Variants in CALN1 observed in about 807,000 individuals in gnomAD.
The protein encoded by CALN1 is calcium-binding protein 8.
CALN1 carries 17 observed loss-of-function variants against 30.6 expected under a neutral mutation model. The ratio of observed to expected loss-of-function variants is 0.56; its 90% CI spans 0.38 to 0.83. CALN1 has a LOEUF of 0.83. CALN1 is among the 40% of genes least tolerant of loss of function. CALN1 has a pLI of 0.00. For synonymous variants in CALN1, 156 were observed against 131.4 expected (o/e 1.19, Z -1.28); for missense variants, 291 against 354.9 (o/e 0.82, Z 1.45).
intron 5 of CALN1, among the ~76,000 whole-genome samples, chr7:71,953,104 G>A (rs765683454): frequency 6.6e-5 from 10 of 152,012 alleles, no homozygotes; most frequent in East Asian, 1.9e-4. Flanking sequence ...CTACAGGCAC[G>A]CACCACTACA....
intron 1 of CALN1, among the ~76,000 whole-genome samples, chr7:72,410,091 A>G (rs988661170): frequency 1.3e-5 from 2 of 152,078 alleles, no homozygotes; most frequent in African/African-American, 4.8e-5. Flanking sequence ...GTCATGCCAT[A>G]TGGTGTGTAA....
intron 3 of CALN1, among the ~76,000 whole-genome samples, chr7:72,185,512 C>T (rs558752274): frequency 2.0e-5 from 3 of 152,208 alleles, no homozygotes; most frequent in Non-Finnish European, 4.4e-5. Flanking sequence ...AATGGCCCTC[C>T]AAAGATGTCC....
chr7:71,953,296 G>A (rs1584597094), intron 5 of CALN1, among the ~76,000 whole-genome samples: 1 of 152,160 alleles, frequency 6.6e-6, no homozygotes, highest in Non-Finnish European at 1.5e-5. Context: ...TGGTGCCCAC[G>A]GCTTCTCTCC....
chr7:72,135,748 A>G (rs1178139624), intron 3 of CALN1, among the ~76,000 whole-genome samples: 1 of 152,170 alleles, frequency 6.6e-6, no homozygotes, highest in Admixed American at 6.5e-5. Flanking sequence ...GGCCCCTCAC[A>G]AGAGTCAACC....
At chr7:72,312,592 T>C (rs1484946177) in intron 2 of CALN1, among the ~76,000 whole-genome samples, 4 of 152,046 alleles carry the variant, frequency 2.6e-5, no homozygotes, top group Admixed American at 6.6e-5. Context: ...ATTTTTTCTT[T>C]TGCAAATTCA....
At chr7:72,402,959 C>T (rs1435362887) in intron 2 of CALN1, among the ~76,000 whole-genome samples, 2 of 152,134 alleles carry the variant, frequency 1.3e-5, no homozygotes, top group Non-Finnish European at 2.9e-5. Flanking sequence ...GTACATAGTC[C>T]ACACTCTGTA....
At chr7:72,099,685 G>A (rs745941696) in intron 4 of CALN1, among the ~76,000 whole-genome samples, 1 of 152,032 alleles carries the variant, frequency 6.6e-6, no homozygotes, top group Non-Finnish European at 1.5e-5. Context: ...AGCAATACCC[G>A]TAGCCTACAC....
At chr7:72,283,342 G>A (rs1376695960) in intron 2 of CALN1, among the ~76,000 whole-genome samples, 1 of 152,048 alleles carries the variant, frequency 6.6e-6, no homozygotes, top group Non-Finnish European at 1.5e-5. Context: ...CTGGGCAACA[G>A]AGCAAGACCC....
chr7:72,125,442 T>C (rs1162788762), intron 3 of CALN1, among the ~76,000 whole-genome samples: 5 of 152,246 alleles, frequency 3.3e-5, no homozygotes, highest in Non-Finnish European at 7.3e-5. Context: ...GCCTGCGTGC[T>C]TGCCATCCAC....
At chr7:72,207,224 G>A (rs1284635054) in intron 3 of CALN1, among the ~76,000 whole-genome samples, 1 of 151,982 alleles carries the variant, frequency 6.6e-6, no homozygotes, top group Non-Finnish European at 1.5e-5. Flanking sequence ...CAACCACTCC[G>A]GCCCTCTGTC....
chr7:72,166,502 T>C (rs1788532581), intron 3 of CALN1, among the ~76,000 whole-genome samples: 1 of 152,218 alleles, frequency 6.6e-6, no homozygotes, highest in Non-Finnish European at 1.5e-5. Context: ...AAATTTCTTA[T>C]TAAGTGAGCA....
At chr7:72,199,280 A>T (rs1330459965) in intron 3 of CALN1, among the ~76,000 whole-genome samples, 1 of 152,168 alleles carries the variant, frequency 6.6e-6, no homozygotes, top group Non-Finnish European at 1.5e-5. Flanking sequence ...GTCTCAAACA[A>T]CACATCAATC....
chr7:72,385,531 C>T (rs1239679528), intron 2 of CALN1, among the ~76,000 whole-genome samples: 1 of 151,952 alleles, frequency 6.6e-6, no homozygotes, highest in African/African-American at 2.4e-5. Flanking sequence ...ATCTCGAATT[C>T]TCATCCCCAG....
At chr7:72,374,422 A>C (rs923098542) in intron 2 of CALN1, among the ~76,000 whole-genome samples, 9 of 151,506 alleles carry the variant, frequency 5.9e-5, no homozygotes, top group Admixed American at 5.9e-4. Flanking sequence ...TCAGCTATTC[A>C]GGAGGCTGAG....
Position 71,787,760 on chromosome 7 carries a change from G to A in CALN1, c.*15C>T, listed in dbSNP as rs376575825. 8 of 1,612,908 alleles carry A rather than the reference G, an allele frequency of 5.0e-6. No homozygotes were observed. Among genetic ancestry groups the A allele is most frequent in the Non-Finnish European group, 6.8e-6 (8 of 1,179,808 alleles). On this transcript the variant is annotated 3_prime_UTR_variant, in exon 7 of 7. Coordinates refer to ENST00000395275, the MANE Select transcript of CALN1 (RefSeq NM_031468.4). ...GCGCGGTGAGCTGCAACACAGTGTG[G>A]CTGGCGGGAGGCTGCTACTCCATGC...
At chr7:72,295,687 T>A (rs1383650903) in intron 2 of CALN1, among the ~76,000 whole-genome samples, 12 of 148,530 alleles carry the variant, frequency 8.1e-5, no homozygotes, top group African/African-American at 1.8e-4. Flanking sequence ...TGTATAAGAA[T>A]GCTTGTGATT....
intron 5 of CALN1, among the ~76,000 whole-genome samples, chr7:71,905,670 C>A (rs969058236): frequency 6.6e-6 from 1 of 151,874 alleles, no homozygotes; most frequent in Non-Finnish European, 1.5e-5. Flanking sequence ...GATTCTAGGG[C>A]CTGACATGTC....
chr7:71,792,785 C>T (rs1262256250), intron 6 of CALN1, among the ~76,000 whole-genome samples: 2 of 152,062 alleles, frequency 1.3e-5, no homozygotes, highest in African/African-American at 4.8e-5. Flanking sequence ...TGAGGGCCTG[C>T]GAAAGCATTA....
chr7:72,406,146 A>G (rs181589386), intron 1 of CALN1, among the ~76,000 whole-genome samples: 1 of 152,222 alleles, frequency 6.6e-6, no homozygotes, highest in Non-Finnish European at 1.5e-5. Flanking sequence ...TGGCTCCCAT[A>G]GCCAGAAGCC....
Sources: allele counts gnomAD v4.1 joint callset (sites outside exome capture counted in the v4.1 genomes callset), GRCh38; gene constraint gnomAD v4.1.1; transcripts MANE v1.5; gene names NCBI Gene and HGNC (gene_info 2026-07-23, HGNC 2026-07-21).